The following ARB2A variants were observed in gnomAD, a reference collection of about 807,000 sequenced individuals.
ARB2A encodes the protein cotranscriptional regulator ARB2A.
chr5:94,041,822 C>T, the ARB2A span, among the ~76,000 whole-genome samples: 3 of 152,126 alleles, frequency 2.0e-5, no homozygotes, highest in African/African-American at 7.2e-5. Context: ...TTAGCCACGT[C>T]CCCTAGCTAT....
the ARB2A span, among the ~76,000 whole-genome samples, chr5:93,767,732 C>A: frequency 6.6e-6 from 1 of 151,898 alleles, no homozygotes; most frequent in African/African-American, 2.4e-5. Flanking sequence ...CGTTGGCTCA[C>A]GTCTGTAATC....
chr5:93,711,506 G>A, the ARB2A span, among the ~76,000 whole-genome samples: 1 of 152,094 alleles, frequency 6.6e-6, no homozygotes, highest in South Asian at 2.1e-4. Context: ...GTTTGGGGAT[G>A]TACAAAAATG....
At chr5:93,807,064 C>G in the ARB2A span, among the ~76,000 whole-genome samples, 12 of 151,962 alleles carry the variant, frequency 7.9e-5, no homozygotes, top group Admixed American at 5.3e-4. Context: ...TTTGATGAAA[C>G]AGAAAACTGG....
the ARB2A span, among the ~76,000 whole-genome samples, chr5:93,925,412 T>C: frequency 6.6e-6 from 1 of 152,220 alleles, no homozygotes; most frequent in African/African-American, 2.4e-5. Flanking sequence ...AATCATTTGA[T>C]TGGGCAGAGA....
the ARB2A span, among the ~76,000 whole-genome samples, chr5:93,835,072 T>A: frequency 1.3e-5 from 2 of 152,142 alleles, no homozygotes; most frequent in Admixed American, 6.6e-5. Context: ...GGTGGCAGAG[T>A]GCATAGGATA....
At chr5:94,106,626 T>A in the ARB2A span, among the ~76,000 whole-genome samples, 1 of 151,828 alleles carries the variant, frequency 6.6e-6, no homozygotes, top group Non-Finnish European at 1.5e-5. Context: ...CATTCCTGGG[T>A]ACCTACCCAA....
At chr5:94,106,478 G>T in the ARB2A span, among the ~76,000 whole-genome samples, 2 of 152,188 alleles carry the variant, frequency 1.3e-5, no homozygotes, top group African/African-American at 2.4e-5. Context: ...AAAAATAACA[G>T]CTGCTGATGA....
the ARB2A span, among the ~76,000 whole-genome samples, chr5:94,097,652 G>GT: frequency 7.0e-6 from 1 of 142,598 alleles, no homozygotes; most frequent in South Asian, 2.3e-4. Flanking sequence ...CCAGCCACAT[G>GT]TAACTGTAAG....
the ARB2A span, among the ~76,000 whole-genome samples, chr5:93,897,082 A>G: frequency 2.0e-5 from 3 of 152,066 alleles, no homozygotes; most frequent in Admixed American, 2.0e-4. Flanking sequence ...AGGATAATTT[A>G]GTGTATAAAA....
chr5:93,886,167 G>GA, the ARB2A span, among the ~76,000 whole-genome samples: 3 of 151,608 alleles, frequency 2.0e-5, no homozygotes, highest in Non-Finnish European at 3.0e-5. Flanking sequence ...CCAATTATAA[G>GA]AAAAATGGAA....
chr5:93,958,232 T>C, the ARB2A span, among the ~76,000 whole-genome samples: 123 of 152,216 alleles, frequency 8.1e-4, no homozygotes, highest in African/African-American at 2.8e-3. Context: ...TATGTCTATG[T>C]CTCATGCTTA....
At chr5:93,768,770 G>C in the ARB2A span, among the ~76,000 whole-genome samples, 1 of 152,090 alleles carries the variant, frequency 6.6e-6, no homozygotes, top group South Asian at 2.1e-4. Flanking sequence ...ATTTAGTGGA[G>C]ATGAGGTCTT....
the ARB2A span, among the ~76,000 whole-genome samples, chr5:93,685,310 T>C: frequency 6.6e-6 from 1 of 152,156 alleles, no homozygotes; most frequent in Admixed American, 6.5e-5. Context: ...CAGCAAAGAA[T>C]TTAGGTTTTC....
At chr5:93,787,422 G>A in the ARB2A span, among the ~76,000 whole-genome samples, 1 of 152,042 alleles carries the variant, frequency 6.6e-6, no homozygotes, top group Non-Finnish European at 1.5e-5. Flanking sequence ...TATTGCTTTT[G>A]TCTGTGTATA....
chr5:94,046,376 T>C, the ARB2A span, among the ~76,000 whole-genome samples: 4 of 151,628 alleles, frequency 2.6e-5, no homozygotes, highest in East Asian at 1.9e-4. Flanking sequence ...TCCTCAAGAG[T>C]TGACAGTAGA....
chr5:94,012,421 T>C, the ARB2A span, among the ~76,000 whole-genome samples: 2 of 151,900 alleles, frequency 1.3e-5, no homozygotes, highest in African/African-American at 4.8e-5. Flanking sequence ...AAACAAAACA[T>C]TAAGATGGAA....
At chr5:93,642,692 A>AT in the ARB2A span, among the ~76,000 whole-genome samples, 1 of 151,320 alleles carries the variant, frequency 6.6e-6, no homozygotes, top group Non-Finnish European at 1.5e-5. Flanking sequence ...ATTAAAAAAA[A>AT]TTTTTTTTTG....
chr5:93,917,856 T>A, the ARB2A span, among the ~76,000 whole-genome samples: 4 of 152,136 alleles, frequency 2.6e-5, no homozygotes, highest in Non-Finnish European at 5.9e-5. Flanking sequence ...CAAGCCTGAA[T>A]AACAGAGTCA....
the ARB2A span, among the ~76,000 whole-genome samples, chr5:93,625,862 A>C: frequency 1.3e-5 from 2 of 152,240 alleles, no homozygotes; most frequent in African/African-American, 4.8e-5. Flanking sequence ...TGGAATAGCA[A>C]AGAATAGGAT....
Sources: gnomAD v4.1 joint callset for allele counts (sites outside exome capture counted in the v4.1 genomes callset) on GRCh38, gnomAD v4.1.1 for gene constraint, MANE v1.5 for transcripts, NCBI Gene and HGNC (gene_info 2026-07-23, HGNC 2026-07-21) for gene names.